NELL1: variants seen among roughly 807,000 people sequenced by gnomAD.
NELL1 encodes protein kinase C-binding protein NELL1.
In NELL1, 76 loss-of-function variants were observed where a neutral mutation model predicts 107.4. The observed-to-expected ratio is 0.71, with a 90% CI of 0.59 to 0.86. The LOEUF is 0.86. NELL1 is among the 40% of genes least tolerant of loss of function. NELL1 has a pLI of 0.00. For synonymous variants in NELL1, 353 were observed against 341.2 expected (o/e 1.03, Z -0.38); for missense variants, 1,024 against 1,005.5 (o/e 1.02, Z -0.25).
chr11:21,101,855 GTTTCTTTC>G (rs200961305), intron 12 of NELL1, among the ~76,000 whole-genome samples: 1 of 151,780 alleles, frequency 6.6e-6, no homozygotes, highest in Non-Finnish European at 1.5e-5. Context: ...TAGATCCCAC[GTTTCTTTC>G]TTTCTTTCTT....
intron 12 of NELL1, among the ~76,000 whole-genome samples, chr11:21,038,036 G>A (rs1853138497): frequency 6.6e-6 from 1 of 152,046 alleles, no homozygotes; most frequent in Non-Finnish European, 1.5e-5. Context: ...ATTAAATTCA[G>A]GAAAAAAATA....
intron 2 of NELL1, among the ~76,000 whole-genome samples, chr11:20,712,216 A>G (rs114292257): frequency 0.038 from 5,819 of 152,062 alleles, 395 homozygotes; most frequent in African/African-American, 0.13. Context: ...AGCTCTGAAG[A>G]TCTTTCTTCT....
At chr11:21,266,099 T>G (rs975583630) in intron 14 of NELL1, among the ~76,000 whole-genome samples, 1 of 152,028 alleles carries the variant, frequency 6.6e-6, no homozygotes, top group African/African-American at 2.4e-5. Flanking sequence ...CTAGTCCAGA[T>G]ACGCAGTCAG....
chr11:21,489,813 A>G (rs984457918), intron 15 of NELL1, among the ~76,000 whole-genome samples: 2 of 152,114 alleles, frequency 1.3e-5, no homozygotes, highest in Non-Finnish European at 2.9e-5. Context: ...ATCATGCCAT[A>G]TATGACAAAC....
chr11:20,986,151 C>G (rs1209836717), intron 12 of NELL1, among the ~76,000 whole-genome samples: 1 of 152,182 alleles, frequency 6.6e-6, no homozygotes, highest in Non-Finnish European at 1.5e-5. Context: ...CCTCCGCTCC[C>G]TTTTGTGATA....
chr11:20,829,962 T>C (rs1184968828), intron 3 of NELL1, among the ~76,000 whole-genome samples: 2 of 152,290 alleles, frequency 1.3e-5, no homozygotes, highest in East Asian at 3.9e-4. Flanking sequence ...TTTCATTTTG[T>C]AATTAAAGAA....
intron 1 of NELL1, among the ~76,000 whole-genome samples, chr11:20,675,749 C>G (rs999594523): frequency 2.0e-5 from 3 of 152,076 alleles, no homozygotes; most frequent in Admixed American, 2.0e-4. Flanking sequence ...CTCTCTCTCC[C>G]ACTTTGGCCT....
At chr11:20,820,392 G>C (rs940872837) in intron 3 of NELL1, among the ~76,000 whole-genome samples, 4 of 152,132 alleles carry the variant, frequency 2.6e-5, no homozygotes, top group African/African-American at 7.2e-5. Flanking sequence ...CTAGGAGCTG[G>C]GGAGATTGAG....
At chr11:20,980,381 C>T (rs1318832161) in intron 12 of NELL1, among the ~76,000 whole-genome samples, 2 of 152,066 alleles carry the variant, frequency 1.3e-5, no homozygotes, top group African/African-American at 4.8e-5. Flanking sequence ...TTTAGATTGG[C>T]CCATTATACC....
intron 14 of NELL1, among the ~76,000 whole-genome samples, chr11:21,259,845 T>A (rs759821252): frequency 2.0e-5 from 3 of 151,952 alleles, no homozygotes; most frequent in Non-Finnish European, 2.9e-5. Context: ...TTAAGCAGAT[T>A]TGCATTTAAG....
rs760905679 is a variant in NELL1 at position 20,918,225 on chromosome 11, A to C, written c.647A>C (p.Tyr216Ser). 1 of 1,596,850 alleles carries C rather than the reference A, an allele frequency of 6.3e-7. No homozygotes were observed. Residue 216 changes from tyrosine to serine, a missense_variant, in exon 6 of 20, where the codon TAT becomes TCT. Transcript: ENST00000357134. Reference protein sequence around the residue: ...DGKIIFMPNGYITQCPNLNHT... With the variant: ...DGKIIFMPNGSITQCPNLNHT... ...AAGATCATCTTTATGCCGAATGGAT[A>C]TATAACACAGTGTCCAAATCTAAAT...
intron 13 of NELL1, among the ~76,000 whole-genome samples, chr11:21,153,962 A>G (rs566277473): frequency 1.1e-3 from 169 of 152,292 alleles, no homozygotes; most frequent in African/African-American, 4.0e-3. Flanking sequence ...AAAATCCACT[A>G]AAATTAAGAA....
At chr11:20,783,603 T>C in intron 2 of NELL1, 77 bp from the exon 3 acceptor site, 1 of 1,019,926 alleles carries the variant, frequency 9.8e-7, no homozygotes, top group Non-Finnish European at 1.4e-6. Flanking sequence ...CTCCTCTTTC[T>C]CCTATATTTC....
chr11:21,246,082 A>T (rs1436513244), intron 14 of NELL1, among the ~76,000 whole-genome samples: 1 of 152,150 alleles, frequency 6.6e-6, no homozygotes, highest in Non-Finnish European at 1.5e-5. Context: ...ATGACCATAT[A>T]CCTGCAAGCC....
intron 12 of NELL1, among the ~76,000 whole-genome samples, chr11:21,004,249 T>C (rs919651729): frequency 6.6e-6 from 1 of 152,194 alleles, no homozygotes; most frequent in Non-Finnish European, 1.5e-5. Flanking sequence ...TTATGTGTAC[T>C]GGCATGTAGT....
At chr11:21,326,300 T>A (rs2133677514) in intron 14 of NELL1, among the ~76,000 whole-genome samples, 1 of 151,812 alleles carries the variant, frequency 6.6e-6, no homozygotes, top group African/African-American at 2.4e-5. Flanking sequence ...CTTCTTTTTT[T>A]GTTTTTCCAA....
chr11:21,388,149 G>T (rs1405419903), intron 15 of NELL1, among the ~76,000 whole-genome samples: 1 of 151,302 alleles, frequency 6.6e-6, no homozygotes, highest in African/African-American at 2.4e-5. Flanking sequence ...TTTTTCTTGG[G>T]CCAAATCATT....
At chr11:21,461,666 AC>A (rs1292877213) in intron 15 of NELL1, among the ~76,000 whole-genome samples, 1 of 152,098 alleles carries the variant, frequency 6.6e-6, no homozygotes, top group Non-Finnish European at 1.5e-5. Context: ...ATTATCATCA[AC>A]ACCATTTTGA....
At chr11:20,835,983 T>TA (rs2134043069) in intron 3 of NELL1, among the ~76,000 whole-genome samples, 1 of 152,000 alleles carries the variant, frequency 6.6e-6, no homozygotes, top group South Asian at 2.1e-4. Flanking sequence ...ATTAAGAGAT[T>TA]AAAAAAACAA....
Sources: gnomAD v4.1 joint callset for allele counts (sites outside exome capture counted in the v4.1 genomes callset) on GRCh38, gnomAD v4.1.1 for gene constraint, MANE v1.5 for transcripts, NCBI Gene and HGNC (gene_info 2026-07-23, HGNC 2026-07-21) for gene names.